Variants in KSR1 observed in about 807,000 individuals in gnomAD.
KSR1 encodes kinase suppressor of ras 1.
KSR1 carries 35 observed loss-of-function variants against 92.9 expected under a neutral mutation model. The observed-to-expected ratio is 0.38, with a 90% CI of 0.29 to 0.50. KSR1 has a LOEUF of 0.50. Ranked by LOEUF, KSR1 falls within the 20% of genes least tolerant of loss-of-function variation. The pLI, the probability that KSR1 is intolerant of heterozygous loss-of-function variation, is 0.94. For synonymous variants in KSR1, 467 were observed against 472.6 expected, an observed-to-expected ratio of 0.99 and a Z score of 0.15; for missense variants, 972 against 1,158.5, an observed-to-expected ratio of 0.84 and a Z score of 2.34.
chr17:27,461,880 A>C (rs1167913444), intron 1 of KSR1, among the ~76,000 whole-genome samples: 1 of 152,226 alleles, frequency 6.6e-6, no homozygotes, highest in Non-Finnish European at 1.5e-5. Flanking sequence ...GTGTGTCTGG[A>C]GATGGACCAT....
chr17:27,580,968 T>C (rs762537149), intron 3 of KSR1, among the ~76,000 whole-genome samples: 9 of 152,086 alleles, frequency 5.9e-5, no homozygotes, highest in South Asian at 4.2e-4. Flanking sequence ...GGTTTTGCCA[T>C]GTTGGCCAGG....
chr17:27,491,554 T>G (rs1226393899), intron 1 of KSR1, among the ~76,000 whole-genome samples: 1 of 152,152 alleles, frequency 6.6e-6, no homozygotes, highest in Non-Finnish European at 1.5e-5. Context: ...AAACTCCTAA[T>G]AGTACTTACT....
intron 1 of KSR1, among the ~76,000 whole-genome samples, chr17:27,511,409 T>C (rs577705909): frequency 3.7e-4 from 57 of 152,280 alleles, no homozygotes; most frequent in African/African-American, 1.3e-3. Flanking sequence ...GAGGGCTGTC[T>C]GTACTTGGCT....
At chr17:27,591,757 A>C (rs1394053602) in intron 7 of KSR1, among the ~76,000 whole-genome samples, 1 of 152,196 alleles carries the variant, frequency 6.6e-6, no homozygotes, top group Non-Finnish European at 1.5e-5. Context: ...TGGGGAGCAC[A>C]GGATGACCTC....
chr17:27,587,253 G>A (rs1355970931), intron 5 of KSR1: 1 of 152,316 alleles, frequency 6.6e-6, no homozygotes, highest in African/African-American at 2.4e-5. Context: ...CAACCTCATG[G>A]CAGATGTGCC....
chr17:27,546,250 A>T (rs2071168497), intron 1 of KSR1, among the ~76,000 whole-genome samples: 1 of 152,178 alleles, frequency 6.6e-6, no homozygotes, highest in Non-Finnish European at 1.5e-5. Flanking sequence ...GATATGAGGG[A>T]AATACGGTCC....
intron 1 of KSR1, among the ~76,000 whole-genome samples, chr17:27,461,609 C>T (rs1373604236): frequency 2.6e-5 from 4 of 152,220 alleles, no homozygotes; most frequent in East Asian, 1.9e-4. Context: ...CACTTTCACC[C>T]GGGTAACTTT....
At chr17:27,510,060 C>T (rs2069542796) in intron 1 of KSR1, among the ~76,000 whole-genome samples, 1 of 152,196 alleles carries the variant, frequency 6.6e-6, no homozygotes, top group South Asian at 2.1e-4. Context: ...CTCCTCTTGG[C>T]ACTTGGGAAC....
chr17:27,474,420 C>T (rs2068278116), intron 1 of KSR1, among the ~76,000 whole-genome samples: 1 of 152,188 alleles, frequency 6.6e-6, no homozygotes, highest in South Asian at 2.1e-4. Context: ...ATGAGCAGCA[C>T]CTCATGCTGT....
intron 18 of KSR1, among the ~76,000 whole-genome samples, chr17:27,616,839 C>A (rs1050202519): frequency 6.6e-6 from 1 of 152,158 alleles, no homozygotes; most frequent in Non-Finnish European, 1.5e-5. Context: ...AGCTGCTGCC[C>A]GTATATCGAG....
rs578240054 is a variant in KSR1, at chr17:27,475,960, T to C, written c.231+19086T>C. ...AAATATGTGATGATATGTATGCATA[T>C]GGGGAAAACTAGAGGTGAAATTGAA... On this transcript the variant is annotated intron_variant, in intron 1 of 20. Transcript: ENST00000644974. 4.6e-5 allele frequency among the ~76,000 whole-genome samples: 7 copies of C among 152,342 alleles called. 1 individual carries two copies. The South Asian group carries it at 1.4e-3, about 32-fold the overall frequency.
chr17:27,456,701 G>A lies in KSR1; in HGVS notation c.58G>A (p.Gly20Arg). 2.5e-6 allele frequency: 2 copies of A among 811,726 alleles called. No individual in the cohort carries two copies. The highest frequency in any genetic ancestry group is 2.0e-6 in the Non-Finnish European group (1 of 492,830). The allele number at this position is 811,726 out of a possible 1,614,324, so 50.3% of individuals were successfully genotyped here. A position where few individuals can be genotyped will look rare whatever the true frequency, so the allele number is the denominator to read the frequency against. Reference sequence around the variant, plus strand: ...GGGAGAGAAGAAGGAGGGCGGTGGCGGGGGGGATGCGGCGGCCGCGGAGGG... The same window carrying A: ...GGGAGAGAAGAAGGAGGGCGGTGGCAGGGGGGATGCGGCGGCCGCGGAGGG... ...AMGEKKEGGG[G>R]GDAAAAEGGA... Residue 20 changes from glycine (G) to arginine (R), a missense_variant, in exon 1 of 21, where the codon GGG (glycine) becomes AGG (arginine). By Grantham distance (125) the Gly-to-Arg change is moderately radical. Coordinates refer to ENST00000644974, the MANE Select transcript of KSR1 (RefSeq NM_001394583.1).
At chr17:27,512,212 T>C (rs2069625849) in intron 1 of KSR1, among the ~76,000 whole-genome samples, 1 of 152,204 alleles carries the variant, frequency 6.6e-6, no homozygotes, top group South Asian at 2.1e-4. Flanking sequence ...GTGGAGAAAA[T>C]GTGTATATCC....
intron 2 of KSR1, among the ~76,000 whole-genome samples, chr17:27,564,202 G>A (rs1336599044): frequency 6.6e-6 from 1 of 151,900 alleles, no homozygotes; most frequent in African/African-American, 2.4e-5. Flanking sequence ...TGTTGGCCAG[G>A]CTGGTCTCGA....
intron 17 of KSR1, 106 bp downstream of exon 17, chr17:27,610,304 C>A: frequency 1.3e-6 from 2 of 1,490,338 alleles, no homozygotes; most frequent in Non-Finnish European, 1.8e-6. Context: ...AAAACCCAGG[C>A]TCTGGAGTAA....
intron 7 of KSR1, 97 bp from the exon 8 acceptor site, chr17:27,592,264 T>C: frequency 1.1e-6 from 1 of 893,322 alleles, no homozygotes; most frequent in Non-Finnish European, 1.8e-6. Context: ...TGTGTGAAAA[T>C]GGAGACAGTC....
intron 14 of KSR1, among the ~76,000 whole-genome samples, chr17:27,606,038 G>A (rs1405721870): frequency 6.6e-6 from 1 of 152,220 alleles, no homozygotes; most frequent in Non-Finnish European, 1.5e-5. Flanking sequence ...CCAACACTTT[G>A]GGAGGCCAAG....
chr17:27,512,942 T>A (rs1263931391), intron 1 of KSR1, among the ~76,000 whole-genome samples: 1 of 152,150 alleles, frequency 6.6e-6, no homozygotes, highest in South Asian at 2.1e-4. Flanking sequence ...CCCCGGAGGC[T>A]CCCTGATCAT....
intron 1 of KSR1, among the ~76,000 whole-genome samples, chr17:27,508,653 T>C (rs2069482344): frequency 6.6e-6 from 1 of 152,186 alleles, no homozygotes; most frequent in African/African-American, 2.4e-5. Flanking sequence ...AAACACAGGC[T>C]TGAGATTCAG....
Sources: gnomAD v4.1 joint callset for allele counts (sites outside exome capture counted in the v4.1 genomes callset) on GRCh38, gnomAD v4.1.1 for gene constraint, MANE v1.5 for transcripts, NCBI Gene and HGNC (gene_info 2026-07-23, HGNC 2026-07-21) for gene names.